Variants in NEK1 observed in about 807,000 individuals in gnomAD.
The protein encoded by NEK1 is serine/threonine-protein kinase Nek1.
NEK1 carries 137 observed loss-of-function variants against 182.1 expected under a neutral mutation model. The ratio of observed to expected loss-of-function variants is 0.75; its 90% CI spans 0.65 to 0.87. NEK1 has a LOEUF of 0.87. NEK1 is among the 40% of genes least tolerant of loss of function. The pLI, the probability that NEK1 is intolerant of heterozygous loss-of-function variation, is 0.00. For synonymous variants in NEK1, 513 were observed against 492.2 expected (o/e 1.04, Z -0.56); for missense variants, 1,391 against 1,494.4 (o/e 0.93, Z 1.14).
chr4:169,546,277 C>T (rs1760428388), intron 18 of NEK1, among the ~76,000 whole-genome samples: 1 of 152,124 alleles, frequency 6.6e-6, no homozygotes, highest in Non-Finnish European at 1.5e-5. Flanking sequence ...GTTCAGTTTC[C>T]ATGGAGTTGT....
At chr4:169,500,806 A>G (rs965357518) in intron 23 of NEK1, among the ~76,000 whole-genome samples, 2 of 152,242 alleles carry the variant, frequency 1.3e-5, no homozygotes, top group African/African-American at 4.8e-5. Context: ...CTGCCACAAA[A>G]GTACATGTAA....
At chr4:169,578,419 T>C (rs1182259019) in intron 11 of NEK1, among the ~76,000 whole-genome samples, 1 of 152,204 alleles carries the variant, frequency 6.6e-6, no homozygotes, top group Admixed American at 6.5e-5. Context: ...TAAATCAATT[T>C]AAATCAATCT....
chr4:169,535,485 G>C (rs990875560), intron 19 of NEK1, among the ~76,000 whole-genome samples: 1 of 151,930 alleles, frequency 6.6e-6, no homozygotes, highest in Admixed American at 6.6e-5. Context: ...ACAAAATAGG[G>C]AGCATCATCA....
chr4:169,443,188 A>C (rs930951801), intron 27 of NEK1, among the ~76,000 whole-genome samples: 2 of 151,918 alleles, frequency 1.3e-5, no homozygotes, highest in African/African-American at 4.8e-5. Context: ...TGGTGTCAAA[A>C]GCCTGTAGTC....
At chr4:169,470,631 G>T (rs550089032) in intron 26 of NEK1, among the ~76,000 whole-genome samples, 2 of 152,150 alleles carry the variant, frequency 1.3e-5, no homozygotes, top group Non-Finnish European at 2.9e-5. Context: ...TCTTTGTGGC[G>T]TTCTCTGTAT....
At position 169,426,267 on chromosome 4, in the gene NEK1, A is replaced by G. The variant is rs1392554027; in HGVS notation, c.2886-33T>C. 3.9e-6 allele frequency: 6 copies of G among 1,555,118 alleles called. No homozygotes were observed. The African/African-American group carries it at 6.8e-5, about 18-fold the overall frequency. On this transcript the variant is annotated intron_variant, in intron 29 of 35. Coordinates refer to ENST00000507142, the MANE Select transcript of NEK1 (RefSeq NM_001199397.3). ...AGATGGGTACACCAATTAAAAACAC[A>G]CACACTTAGTTTACCAGAAATAAAA...
chr4:169,415,296 A>T (rs1226005065), intron 31 of NEK1, among the ~76,000 whole-genome samples: 1 of 152,250 alleles, frequency 6.6e-6, no homozygotes, highest in Non-Finnish European at 1.5e-5. Flanking sequence ...TTATAAAATC[A>T]TCTACTGTAT....
At chr4:169,465,388 C>G (rs1335086932) in intron 26 of NEK1, among the ~76,000 whole-genome samples, 1 of 152,022 alleles carries the variant, frequency 6.6e-6, no homozygotes, top group African/African-American at 2.4e-5. Flanking sequence ...AATGGTCTCT[C>G]TGAGCTGAGG....
At chr4:169,580,551 G>C (rs1484368142) in intron 11 of NEK1, among the ~76,000 whole-genome samples, 2 of 149,196 alleles carry the variant, frequency 1.3e-5, no homozygotes, top group African/African-American at 4.9e-5. Context: ...CACAAAAATT[G>C]GACATTTTAC....
Position 169,400,345 on chromosome 4 carries a change from C to A in NEK1, c.3727G>T (p.Asp1243Tyr), listed in dbSNP as rs542986015. ...VYEKIKAIHE[D>Y]EDENIEICSK... The stretch of plus-strand genomic sequence containing the variant: ...CAAATTTCAATATTTTCATCTTCAT[C>A]TTCATGAATAGCCTATACCAAATTC... The change falls in exon 35 of 36, where the codon GAT (aspartate) becomes TAT (tyrosine). Residue 1243 changes from aspartate to tyrosine, a missense_variant. Transcript: ENST00000507142. 1.1e-4 allele frequency: 167 copies of A among 1,521,422 alleles called. 1 individual carries two copies. In the South Asian group the frequency reaches 2.0e-3, roughly 18 times the overall value. 94.2% of individuals were successfully genotyped at this position (1,521,422 alleles called of 1,614,324 possible).
Position 169,564,883 on chromosome 4 carries a change from T to C in NEK1, c.1021-2687A>G, listed in dbSNP as rs189885487. Among the ~76,000 whole-genome samples, 466 of 152,294 alleles carry C rather than the reference T, an allele frequency of 3.1e-3. 1 individual carries two copies. Among genetic ancestry groups the C allele is most frequent in the Middle Eastern group, 0.017 (5 of 294 alleles). On this transcript the variant is annotated intron_variant, in intron 12 of 35. Coordinates refer to ENST00000507142, the MANE Select transcript of NEK1 (RefSeq NM_001199397.3). ...ATTAAATGATCATAAGCCAATTTTA[T>C]TGGTATGTTTTAACTCAAGGCTATA...
At chr4:169,480,334 G>A (rs1249136061) in intron 23 of NEK1, among the ~76,000 whole-genome samples, 6 of 151,836 alleles carry the variant, frequency 4.0e-5, no homozygotes, top group Non-Finnish European at 1.5e-5. Context: ...GAGATATTAC[G>A]CACTTGGTTC....
intron 27 of NEK1, among the ~76,000 whole-genome samples, chr4:169,447,129 C>T (rs1028938917): frequency 6.6e-6 from 1 of 152,128 alleles, no homozygotes; most frequent in African/African-American, 2.4e-5. Flanking sequence ...AGGAAGACTA[C>T]CTCAAGACAT....
At chr4:169,521,014 T>C (rs1229587651) in intron 19 of NEK1, among the ~76,000 whole-genome samples, 1 of 72,122 alleles carries the variant, frequency 1.4e-5, no homozygotes, top group Admixed American at 1.7e-4. Flanking sequence ...GCAGGCCTCC[T>C]TGAGCTGTGG....
In NEK1 at chr4:169,561,540, A is replaced by C. The variant is rs754999219; in HGVS notation, c.1206T>G (p.Asn402Lys). 1.1e-5 allele frequency: 18 copies of C among 1,613,274 alleles called. No individual in the cohort carries two copies. Among genetic ancestry groups the C allele is most frequent in the Non-Finnish European group, 1.5e-5 (18 of 1,179,596 alleles). Residue 402 changes from asparagine (N) to lysine (K), a missense_variant, in exon 16 of 36, where the codon AAT (asparagine) becomes AAG (lysine). Around this residue, in one of 5 missense-constraint regions of NEK1, gnomAD observed 1,216 missense variants for 1,277.6 expected, o/e 0.95. Coordinates refer to ENST00000507142, the MANE Select transcript of NEK1 (RefSeq NM_001199397.3). ...TTCTCCATCCTTGTTCCCTGGCCCT[A>C]TTTATTCTTTCCAACTTTGGGGAAA... Reference protein sequence around the residue: ...RQEKERLERINRAREQGWRNV... With the variant: ...RQEKERLERIKRAREQGWRNV...
intron 5 of NEK1, among the ~76,000 whole-genome samples, chr4:169,594,206 A>G (rs766979184): frequency 1.3e-5 from 2 of 152,208 alleles, no homozygotes; most frequent in Non-Finnish European, 2.9e-5. Context: ...ATTTTGCATT[A>G]GTACAGACGG....
intron 26 of NEK1, among the ~76,000 whole-genome samples, chr4:169,476,521 T>G (rs888086156): frequency 2.6e-5 from 4 of 152,118 alleles, no homozygotes; most frequent in African/African-American, 9.6e-5. Flanking sequence ...TGGGCTTTTT[T>G]CCAATGCAAG....
At chr4:169,555,593 C>T in intron 18 of NEK1, 127 bp downstream of exon 18, 4 of 1,267,790 alleles carry the variant, frequency 3.2e-6, no homozygotes, top group Non-Finnish European at 3.4e-6. Flanking sequence ...AATTATTGTA[C>T]CCAAGAGGCA....
chr4:169,598,248 T>C (rs1163202695), intron 5 of NEK1, among the ~76,000 whole-genome samples: 1 of 152,130 alleles, frequency 6.6e-6, no homozygotes, highest in Admixed American at 6.5e-5. Context: ...TCCTTATAAA[T>C]TGAAAAAACT....
Sources: gnomAD v4.1 joint callset for allele counts (sites outside exome capture counted in the v4.1 genomes callset) on GRCh38, gnomAD v4.1.1 for gene constraint, gnomAD v4.1.1 regional missense constraint, MANE v1.5 for transcripts, NCBI Gene and HGNC (gene_info 2026-07-23, HGNC 2026-07-21) for gene names.